Variants in HECTD4 observed in about 807,000 individuals in gnomAD.
HECTD4 encodes probable E3 ubiquitin-protein ligase HECTD4.
Under a neutral mutation model 471.5 loss-of-function variants are expected in HECTD4, and 114 were observed. The ratio of observed to expected loss-of-function variants is 0.24; its 90% CI spans 0.21 to 0.28. HECTD4 has a LOEUF of 0.28. Among genes scored for constraint, HECTD4 ranks in the 10% least tolerant of loss-of-function variants. The probability of loss-of-function intolerance (pLI) is 1.00; values close to 1 mark genes in which losing one functional copy is unlikely to be tolerated. For synonymous variants in HECTD4, 2,012 were observed against 2,256.0 expected (o/e 0.89, Z 3.07); for missense variants, 3,866 against 5,651.5 (o/e 0.68, Z 10.13).
intron 61 of HECTD4, 71 bp from the exon 62 acceptor site, chr12:112,183,337 C>T: frequency 1.7e-6 from 2 of 1,191,738 alleles, no homozygotes; most frequent in Non-Finnish European, 2.4e-6. Context: ...GAACTTCTCC[C>T]TCCCACCTTT....
Position 112,204,500 on chromosome 12 carries a change from T to G in HECTD4, c.8255A>C (p.Asp2752Ala). ...IKDEANKFTI[D>A]KVRKGLTVVT... Reference sequence around the variant, plus strand: ...GAAAGCAAAACCTTTTCGAACTTTATCAATTGTGAACTTGTTTGCTTCGTC... The same window carrying G: ...GAAAGCAAAACCTTTTCGAACTTTAGCAATTGTGAACTTGTTTGCTTCGTC... The change falls in exon 53 of 76, where the codon GAT (aspartate) becomes GCT (alanine). Residue 2752 changes from aspartate to alanine, a missense_variant. Physicochemically the swap from Asp to Ala is moderately radical, Grantham distance 126. Transcript: ENST00000682272. 1 of 1,612,524 alleles carries G rather than the reference T, an allele frequency of 6.2e-7. No individual in the cohort carries two copies. Among genetic ancestry groups the G allele is most frequent in the Non-Finnish European group, 8.5e-7 (1 of 1,179,456 alleles).
intron 1 of HECTD4, among the ~76,000 whole-genome samples, chr12:112,325,308 T>C (rs958943626): frequency 1.3e-5 from 2 of 152,236 alleles, no homozygotes; most frequent in Non-Finnish European, 2.9e-5. Flanking sequence ...CACACTTAAA[T>C]GACTGTTGTG....
At chr12:112,203,241 TA>T (rs2032480173) in intron 54 of HECTD4, 1 of 155,834 alleles carries the variant, frequency 6.4e-6, no homozygotes, top group South Asian at 1.9e-4. Context: ...ACGCCCAGCC[TA>T]TTTCTTTGAT....
Position 112,244,772 on chromosome 12 carries a change from T to C in HECTD4, c.4514-763A>G, listed in dbSNP as rs546946794. Among the ~76,000 whole-genome samples, 4 of 152,336 alleles carry C rather than the reference T, an allele frequency of 2.6e-5. No homozygotes were observed. The East Asian group carries it at 7.7e-4, about 29-fold the overall frequency. ...ATTTAACTGATTTATTGTCATTTAA[T>C]GATACCTCTGCTTTGATCATAGTTG... On this transcript the variant is annotated intron_variant, in intron 29 of 75. Transcript: ENST00000682272.
intron 7 of HECTD4, among the ~76,000 whole-genome samples, chr12:112,294,752 T>C (rs2034967437): frequency 6.6e-6 from 1 of 152,188 alleles, no homozygotes; most frequent in South Asian, 2.1e-4. Flanking sequence ...TGACCTTGAC[T>C]TCTCCAGCAG....
chr12:112,382,325 C>CCTGCCGCCG lies in HECTD4; in HGVS notation c.-206_-198dup, dbSNP rs1388868639. On this transcript the variant is annotated 5_prime_UTR_variant, in exon 1 of 76. Transcript: ENST00000682272. ...CGACCCCGGCCCGGGAGACCCCGGC[C>CCTGCCGCCG]CTGCCGCCGCCGCCGCCGCCGCCGC... 1.2e-4 allele frequency: 45 copies of CCTGCCGCCG among 379,984 alleles called. No individual in the cohort carries two copies. Among genetic ancestry groups the CCTGCCGCCG allele is most frequent in the Non-Finnish European group, 1.6e-4 (38 of 238,856 alleles). 23.5% of individuals were successfully genotyped at this position (379,984 alleles called of 1,614,324 possible).
In HECTD4 at chr12:112,324,092, T is replaced by C. The variant is rs1386012932; in HGVS notation, c.178-4350A>G. Among the ~76,000 whole-genome samples the C allele has an allele frequency of 0.025, 2,656 of 106,146 alleles. 725 individuals carry two copies. The East Asian group carries it at 0.33, about 13-fold the overall frequency. The allele number at this position is 106,146 out of a possible 152,430, so 69.6% of individuals were successfully genotyped here. On this transcript the variant is annotated intron_variant, in intron 1 of 75. Transcript: ENST00000682272. ...TTTCTTTCTTTCTTTCTTTCTTTCT[T>C]TCTTTCTTTCCTCTCTCTCTTTCTT...
chr12:112,266,969 T>C lies in HECTD4; in HGVS notation c.2335A>G (p.Ile779Val). 1 of 1,529,700 alleles carries C rather than the reference T, an allele frequency of 6.5e-7. No individual in the cohort carries two copies. The highest frequency in any genetic ancestry group is 8.9e-7 in the Non-Finnish European group (1 of 1,125,654). The allele number at this position is 1,529,700 out of a possible 1,614,324, so 94.8% of individuals were successfully genotyped here. A position where few individuals can be genotyped will look rare whatever the true frequency, so the allele number is the denominator to read the frequency against. ...VCLAISSGLN[I>V]LYPGETEINN... ...ATTTCAGTTTCACCTGGGTACAAGA[T>C]ATTTAAACCAGAGCTGAAATGACAA... Residue 779 changes from isoleucine to valine, a missense_variant, in exon 14 of 76, where the codon ATC becomes GTC. By Grantham distance (29) the Ile-to-Val change is conservative. Transcript: ENST00000682272.
At chr12:112,291,050 T>C (rs942727229) in intron 7 of HECTD4, among the ~76,000 whole-genome samples, 1 of 152,120 alleles carries the variant, frequency 6.6e-6, no homozygotes, top group Admixed American at 6.6e-5. Context: ...GGCAACAACT[T>C]CCTACTAATC....
chr12:112,319,424 T>G lies in HECTD4; in HGVS notation c.496A>C (p.Asn166His). ...SQSRTDPSLC[N>H]ITAEVLLNCL... The stretch of plus-strand genomic sequence containing the variant: ...TTCAATAGCACCTCAGCAGTTATGT[T>G]ACAGAGAGAGGGGTCTGTTCTACTC... Residue 166 changes from asparagine to histidine, a missense_variant, in exon 2 of 76, where the codon AAC (asparagine) becomes CAC (histidine). Around this residue, in one of 16 missense-constraint regions of HECTD4, gnomAD observed 440 missense variants for 636.0 expected, o/e 0.69. Coordinates refer to ENST00000682272, the MANE Select transcript of HECTD4 (RefSeq NM_001388303.1). This position sits in a 1 kb window ranked among gnomAD's most constrained non-coding sequence, Gnocchi z 5.3. The G allele has an allele frequency of 6.5e-7, 1 of 1,536,126 alleles. No homozygotes were observed. Among genetic ancestry groups the G allele is most frequent in the South Asian group, 1.2e-5 (1 of 84,058 alleles).
intron 1 of HECTD4, among the ~76,000 whole-genome samples, chr12:112,377,895 A>T (rs1353210582): frequency 6.6e-6 from 1 of 152,170 alleles, no homozygotes; most frequent in Non-Finnish European, 1.5e-5. Flanking sequence ...GAAAGAAAGA[A>T]AAAGAATTTA....
At position 112,163,017 on chromosome 12, in the gene HECTD4, G is replaced by A. The variant is rs375445453; in HGVS notation, c.13120+25C>T. 32 of 1,549,222 alleles carry A rather than the reference G, an allele frequency of 2.1e-5. No individual in the cohort carries two copies. The highest frequency in any genetic ancestry group is 2.8e-5 in the Non-Finnish European group (32 of 1,129,708). Reference sequence around the variant, plus strand: ...AGAAAGGCTAGTGTGTCCCTACTTGGGACATGGCCAGGGGAGGGCGGTACC... The same window carrying A: ...AGAAAGGCTAGTGTGTCCCTACTTGAGACATGGCCAGGGGAGGGCGGTACC... On this transcript the variant is annotated intron_variant, in intron 75 of 75. Coordinates refer to ENST00000682272, the MANE Select transcript of HECTD4 (RefSeq NM_001388303.1). The surrounding 1 kb of genome is among the most constrained non-coding windows in gnomAD (Gnocchi z 8.2).
chr12:112,308,034 G>T (rs113282770), intron 6 of HECTD4, among the ~76,000 whole-genome samples: 2 of 152,324 alleles, frequency 1.3e-5, no homozygotes, highest in African/African-American at 2.4e-5. Context: ...ACATAGTAAT[G>T]CCTCACAGGT....
chr12:112,377,008 G>A (rs1030416024), intron 1 of HECTD4, among the ~76,000 whole-genome samples: 2 of 152,136 alleles, frequency 1.3e-5, no homozygotes, highest in African/African-American at 2.4e-5. Context: ...GCTCCTCAGG[G>A]GGCTGAGGCT....
intron 47 of HECTD4, 100 bp from the exon 48 acceptor site, chr12:112,216,471 G>T: frequency 1.3e-6 from 1 of 798,644 alleles, no homozygotes; most frequent in Non-Finnish European, 2.1e-6. Context: ...GGGGTGGTCA[G>T]CATTGTGAGA....
In HECTD4 at chr12:112,228,275, G is replaced by T; in HGVS notation, c.6685-17C>A. 6.5e-7 allele frequency: 1 copy of T among 1,546,510 alleles called. No individual in the cohort carries two copies. ...AGGCAATGCCTGATGGCGGTGGGGG[G>T]GCATGGCAAAAAGTTAAATTCAAGT... On this transcript the variant is annotated splice_polypyrimidine_tract_variant and intron_variant, in intron 42 of 75. Transcript: ENST00000682272. This position sits in a 1 kb window ranked among gnomAD's most constrained non-coding sequence, Gnocchi z 4.9.
At chr12:112,354,629 T>A (rs1429042019) in intron 1 of HECTD4, among the ~76,000 whole-genome samples, 2 of 152,038 alleles carry the variant, frequency 1.3e-5, no homozygotes. Context: ...GACATTGCAG[T>A]GGGCCAAGAT....
Position 112,382,263 on chromosome 12 carries a change from G to T in HECTD4, c.-135C>A. 1.4e-6 allele frequency: 1 copy of T among 728,468 alleles called. No individual in the cohort carries two copies. Among genetic ancestry groups the T allele is most frequent in the Non-Finnish European group, 1.9e-6 (1 of 539,870 alleles). The allele number at this position is 728,468 out of a possible 1,614,324, so 45.1% of individuals were successfully genotyped here. A position where few individuals can be genotyped will look rare whatever the true frequency, so the allele number is the denominator to read the frequency against. ...GCGCCCCACTTGCTGCCTCGCCCGT[G>T]CAACTCCGCCCTAGGCGGTCCGAGT... On this transcript the variant is annotated 5_prime_UTR_variant, in exon 1 of 76. Coordinates refer to ENST00000682272, the MANE Select transcript of HECTD4 (RefSeq NM_001388303.1).
In HECTD4 at chr12:112,219,394, G is replaced by C. The variant is rs781683266; in HGVS notation, c.7066C>G (p.Arg2356Gly). The C allele has an allele frequency of 1.1e-5, 18 of 1,613,074 alleles. No homozygotes were observed. Among genetic ancestry groups the C allele is most frequent in the East Asian group, 4.5e-5 (2 of 44,868 alleles). Reference sequence around the variant, plus strand: ...CACCGCAGAGGGCTCACCTGTCTTCGGTCAGCCTGCAAAGGAGGTGGTGGG... The same window carrying C: ...CACCGCAGAGGGCTCACCTGTCTTCCGTCAGCCTGCAAAGGAGGTGGTGGG... ...RPPPPPLQAD[R>G]RQPKEITWSP... Residue 2356 changes from arginine to glycine, a missense_variant, in exon 45 of 76, where the codon CGA (arginine) becomes GGA (glycine). Around this residue, in one of 16 missense-constraint regions of HECTD4, gnomAD observed 617 missense variants for 915.1 expected, o/e 0.67. Transcript: ENST00000682272.
Sources: gnomAD v4.1 joint callset for allele counts (sites outside exome capture counted in the v4.1 genomes callset) on GRCh38, gnomAD v4.1.1 for gene constraint, gnomAD v4.1.1 regional missense constraint, Gnocchi (gnomAD v3.1) non-coding constraint, MANE v1.5 for transcripts, NCBI Gene and HGNC (gene_info 2026-07-23, HGNC 2026-07-21) for gene names.